The following LRRTM3 variants were observed in gnomAD, a reference collection of about 807,000 sequenced individuals.
LRRTM3 encodes leucine-rich repeat transmembrane neuronal protein 3.
A neutral mutation model predicts 44.7 loss-of-function variants in LRRTM3; 24 were observed. The observed-to-expected ratio is 0.54, with a 90% CI of 0.39 to 0.76. The LOEUF is 0.76. Among genes scored for constraint, LRRTM3 ranks in the 30% least tolerant of loss-of-function variants. The pLI is 0.00. For missense variants in LRRTM3, 587 were observed against 702.2 expected (o/e 0.84, Z 1.85); for synonymous variants, 277 against 278.7 (o/e 0.99, Z 0.06).
chr10:67,024,528 C>T (rs1196951108), intron 2 of LRRTM3, among the ~76,000 whole-genome samples: 1 of 152,118 alleles, frequency 6.6e-6, no homozygotes, highest in Non-Finnish European at 1.5e-5. Context: ...ATTTGGCCTA[C>T]CATAAGACCA....
chr10:66,942,552 C>T (rs1251778580), intron 2 of LRRTM3, among the ~76,000 whole-genome samples: 2 of 46,938 alleles, frequency 4.3e-5, no homozygotes, highest in East Asian at 7.9e-4. Context: ...CATAATGTCT[C>T]TCTCTCTCTC....
intron 2 of LRRTM3, among the ~76,000 whole-genome samples, chr10:67,005,053 AT>A (rs777213790): frequency 2.0e-5 from 3 of 152,212 alleles, no homozygotes; most frequent in Non-Finnish European, 4.4e-5. Context: ...ATAGTACACA[AT>A]GTGGGATTGG....
At chr10:66,972,286 A>G (rs1849762992) in intron 2 of LRRTM3, among the ~76,000 whole-genome samples, 1 of 152,102 alleles carries the variant, frequency 6.6e-6, no homozygotes, top group Admixed American at 6.5e-5. Flanking sequence ...ACATGACATA[A>G]TCAGCTCAAA....
intron 2 of LRRTM3, among the ~76,000 whole-genome samples, chr10:67,071,455 C>G (rs920386164): frequency 6.6e-6 from 1 of 151,644 alleles, no homozygotes; most frequent in African/African-American, 2.4e-5. Flanking sequence ...TATCTTCTCA[C>G]TTCTTTTGTT....
intron 2 of LRRTM3, among the ~76,000 whole-genome samples, chr10:66,978,552 A>AAAAAAAAAAAAAATATATATATAT: frequency 5.3e-5 from 2 of 37,868 alleles, no homozygotes; most frequent in Admixed American, 4.9e-4. Flanking sequence ...AAAAAAAAAA[A>AAAAAAAAAAAAAATATATATATAT]ATATATATAT....
chr10:67,028,643 C>T (rs1239287277), intron 2 of LRRTM3, among the ~76,000 whole-genome samples: 2 of 68,696 alleles, frequency 2.9e-5, no homozygotes, highest in African/African-American at 8.8e-5. Flanking sequence ...CAAGCTAGTT[C>T]TACTTAAAAA....
At chr10:66,992,540 T>A (rs1243227875) in intron 2 of LRRTM3, among the ~76,000 whole-genome samples, 1 of 152,124 alleles carries the variant, frequency 6.6e-6, no homozygotes, top group African/African-American at 2.4e-5. Flanking sequence ...TCCTTTACTT[T>A]TTTTTTAATG....
chr10:67,073,971 T>C (rs1856597860), intron 2 of LRRTM3, among the ~76,000 whole-genome samples: 1 of 152,114 alleles, frequency 6.6e-6, no homozygotes, highest in Admixed American at 6.5e-5. Flanking sequence ...CAGATATTTA[T>C]TTCGCACAGC....
intron 2 of LRRTM3, among the ~76,000 whole-genome samples, chr10:67,052,331 TC>T (rs1855155307): frequency 6.6e-6 from 1 of 151,482 alleles, no homozygotes; most frequent in Non-Finnish European, 1.5e-5. Context: ...TCTCTCTCTC[TC>T]TCTCTCTCTC....
chr10:67,077,588 T>G (rs1282898880), intron 2 of LRRTM3, among the ~76,000 whole-genome samples: 1 of 152,196 alleles, frequency 6.6e-6, no homozygotes, highest in East Asian at 1.9e-4. Flanking sequence ...TCAACTCTTG[T>G]GAAACTTTCT....
chr10:66,958,406 C>G lies in LRRTM3; in HGVS notation c.1536+29954C>G, dbSNP rs57304661. 8.1e-3 allele frequency among the ~76,000 whole-genome samples: 1,219 copies of G among 149,898 alleles called. 18 individuals are homozygous for G. Among genetic ancestry groups the G allele is most frequent in the African/African-American group, 0.028 (1,143 of 40,780 alleles). On this transcript the variant is annotated intron_variant, in intron 2 of 2. Transcript: ENST00000361320. ...TAGAAAGCAGATTTAAACTCAGTCTCTAAAAGGCTTAACTTTGTGTACTAT... is the reference window on the plus strand; with the variant it reads ...TAGAAAGCAGATTTAAACTCAGTCTGTAAAAGGCTTAACTTTGTGTACTAT...
chr10:67,036,740 ATAT>A (rs1376929320), intron 2 of LRRTM3, among the ~76,000 whole-genome samples: 4 of 152,176 alleles, frequency 2.6e-5, no homozygotes, highest in Non-Finnish European at 5.9e-5. Flanking sequence ...TATGCAATAA[ATAT>A]TATCTTTTTT....
At chr10:67,047,479 G>A (rs10762131) in intron 2 of LRRTM3, among the ~76,000 whole-genome samples, 2 of 151,950 alleles carry the variant, frequency 1.3e-5, no homozygotes, top group Non-Finnish European at 2.9e-5. Flanking sequence ...GAGTGTTACT[G>A]CATTATATTT....
Position 66,942,352 on chromosome 10 carries a change from C to T in LRRTM3, c.1536+13900C>T, listed in dbSNP as rs117788691. Among the ~76,000 whole-genome samples, 453 of 152,158 alleles carry T rather than the reference C, an allele frequency of 3.0e-3. 1 individual carries two copies. Among genetic ancestry groups the T allele is most frequent in the Middle Eastern group, 6.8e-3 (2 of 294 alleles). ...AGGATCTACCAGCAATTTGCAAGCCCGTTATTAATATCCTTTAATGGACTT... is the reference window on the plus strand; with the variant it reads ...AGGATCTACCAGCAATTTGCAAGCCTGTTATTAATATCCTTTAATGGACTT... On this transcript the variant is annotated intron_variant, in intron 2 of 2. Transcript: ENST00000361320.
At position 66,966,484 on chromosome 10, in the gene LRRTM3, TA is replaced by T. The variant is rs200353900; in HGVS notation, c.1536+38033del. Among the ~76,000 whole-genome samples, 93 of 76,216 alleles carry T rather than the reference TA, an allele frequency of 1.2e-3. 1 individual carries two copies. The highest frequency in any genetic ancestry group is 2.2e-3 in the Non-Finnish European group (59 of 26,798). 50.0% of individuals were successfully genotyped at this position (76,216 alleles called of 152,430 possible). A position where few individuals can be genotyped will look rare whatever the true frequency, so the allele number is the denominator to read the frequency against. ...GCTGGGTTAACTCGGCTATGTAATA[TA>T]TTTTTTTTTTCAGGATATACCTTTC... On this transcript the variant is annotated intron_variant, in intron 2 of 2. Coordinates refer to ENST00000361320, the MANE Select transcript of LRRTM3 (RefSeq NM_178011.5).
At chr10:66,980,015 T>C (rs1412388701) in intron 2 of LRRTM3, among the ~76,000 whole-genome samples, 2 of 152,220 alleles carry the variant, frequency 1.3e-5, no homozygotes, top group Admixed American at 1.3e-4. Context: ...AACAAGGTTA[T>C]GCATTGGCAC....
At chr10:67,060,548 C>T (rs191766050) in intron 2 of LRRTM3, among the ~76,000 whole-genome samples, 62 of 152,298 alleles carry the variant, frequency 4.1e-4, no homozygotes, top group Middle Eastern at 3.4e-3. Flanking sequence ...TTAGGCAGCA[C>T]CAGATAACAC....
intron 2 of LRRTM3, among the ~76,000 whole-genome samples, chr10:66,931,762 C>A (rs928206176): frequency 2.0e-5 from 3 of 151,924 alleles, no homozygotes; most frequent in Admixed American, 2.0e-4. Context: ...GGAACAGAGG[C>A]CATAGAATTG....
intron 2 of LRRTM3, among the ~76,000 whole-genome samples, chr10:66,953,810 T>C (rs1306693095): frequency 6.6e-6 from 1 of 152,138 alleles, no homozygotes; most frequent in Non-Finnish European, 1.5e-5. Context: ...GCCCAAGGCT[T>C]TGTAGGCCAG....
Sources: gnomAD v4.1 joint callset for allele counts (sites outside exome capture counted in the v4.1 genomes callset) on GRCh38, gnomAD v4.1.1 for gene constraint, MANE v1.5 for transcripts, NCBI Gene and HGNC (gene_info 2026-07-23, HGNC 2026-07-21) for gene names.